CDH13: variants seen among roughly 807,000 people sequenced by gnomAD.
CDH13 encodes the protein cadherin-13.
A neutral mutation model predicts 63.8 loss-of-function variants in CDH13; 24 were observed. That is an observed-to-expected ratio of 0.38 (90% confidence interval 0.27 to 0.53). CDH13 has a LOEUF of 0.53. Among genes scored for constraint, CDH13 ranks in the 20% least tolerant of loss-of-function variants. CDH13 has a pLI of 0.85. For missense variants in CDH13, 1,049 were observed against 903.1 expected, an observed-to-expected ratio of 1.16 and a Z score of -2.07; for synonymous variants, 503 against 355.3, an observed-to-expected ratio of 1.42 and a Z score of -4.67.
chr16:82,971,170 T>A (rs550994237), intron 2 of CDH13, among the ~76,000 whole-genome samples: 23 of 152,216 alleles, frequency 1.5e-4, no homozygotes, highest in Non-Finnish European at 3.1e-4. Context: ...TCGAATGCGA[T>A]GACTCTAAGG....
chr16:83,454,955 C>T (rs759644433), intron 6 of CDH13, among the ~76,000 whole-genome samples: 1 of 152,162 alleles, frequency 6.6e-6, no homozygotes, highest in Non-Finnish European at 1.5e-5. Context: ...AGTGATCCAC[C>T]CGCCTCAGCC....
intron 1 of CDH13, among the ~76,000 whole-genome samples, chr16:82,782,446 G>T (rs1363608965): frequency 6.6e-6 from 1 of 152,048 alleles, no homozygotes; most frequent in African/African-American, 2.4e-5. Context: ...TAGCTACTGG[G>T]GAGGCTGAGG....
chr16:83,058,448 C>A (rs554371775), intron 3 of CDH13, among the ~76,000 whole-genome samples: 2 of 152,148 alleles, frequency 1.3e-5, no homozygotes, highest in South Asian at 4.1e-4. Context: ...ATTCATTTCC[C>A]CTTTTCCCAA....
intron 2 of CDH13, among the ~76,000 whole-genome samples, chr16:82,972,737 T>C (rs1025598012): frequency 1.3e-5 from 2 of 152,196 alleles, no homozygotes; most frequent in Non-Finnish European, 2.9e-5. Context: ...TTGGGTATGA[T>C]AACTGAACTG....
intron 10 of CDH13, among the ~76,000 whole-genome samples, chr16:83,742,765 G>A (rs1239748601): frequency 6.6e-6 from 1 of 152,206 alleles, no homozygotes; most frequent in Non-Finnish European, 1.5e-5. Flanking sequence ...CTTAGTTCAT[G>A]TTACATGGGT....
At chr16:83,588,852 G>C (rs908376962) in intron 7 of CDH13, among the ~76,000 whole-genome samples, 1 of 152,224 alleles carries the variant, frequency 6.6e-6, no homozygotes, top group African/African-American at 2.4e-5. Context: ...GGCGAGGAAT[G>C]AGGTGCGGCT....
At chr16:82,693,116 T>C (rs1483360823) in intron 1 of CDH13, among the ~76,000 whole-genome samples, 1 of 152,156 alleles carries the variant, frequency 6.6e-6, no homozygotes, top group South Asian at 2.1e-4. Flanking sequence ...CTCAGTATAA[T>C]AGCCTCAAAG....
chr16:83,451,015 G>A (rs1048190734), intron 6 of CDH13, among the ~76,000 whole-genome samples: 6 of 152,206 alleles, frequency 3.9e-5, no homozygotes, highest in African/African-American at 1.4e-4. Context: ...ATAGGTCTGG[G>A]TAGAGTCTGA....
At chr16:82,873,961 T>G (rs2040424021) in intron 2 of CDH13, among the ~76,000 whole-genome samples, 1 of 152,178 alleles carries the variant, frequency 6.6e-6, no homozygotes. Context: ...TTGAGCTAAA[T>G]GTTAAAAACA....
intron 7 of CDH13, among the ~76,000 whole-genome samples, chr16:83,539,637 T>C (rs898392033): frequency 1.3e-5 from 2 of 152,256 alleles, no homozygotes; most frequent in Non-Finnish European, 2.9e-5. Context: ...TTCTAGCTGA[T>C]ATTTTCAGAG....
chr16:83,411,547 T>C (rs1004119718), intron 6 of CDH13, among the ~76,000 whole-genome samples: 3 of 152,176 alleles, frequency 2.0e-5, no homozygotes, highest in Non-Finnish European at 4.4e-5. Context: ...TATTTAAATA[T>C]TTAAAAAATA....
At chr16:82,905,913 T>G (rs192014003) in intron 2 of CDH13, among the ~76,000 whole-genome samples, 1 of 152,332 alleles carries the variant, frequency 6.6e-6, no homozygotes, top group East Asian at 1.9e-4. Flanking sequence ...CTCTCCTTTT[T>G]CTCTTTTCCC....
chr16:82,687,213 G>A (rs1312356304), intron 1 of CDH13, among the ~76,000 whole-genome samples: 1 of 152,208 alleles, frequency 6.6e-6, no homozygotes, highest in African/African-American at 2.4e-5. Flanking sequence ...CCTGTGAACA[G>A]TGATGGAAGG....
At chr16:83,604,653 T>C (rs1245332104) in intron 8 of CDH13, among the ~76,000 whole-genome samples, 1 of 152,224 alleles carries the variant, frequency 6.6e-6, no homozygotes, top group Non-Finnish European at 1.5e-5. Context: ...TGGTGTTTCA[T>C]GGAATGTTCA....
chr16:82,939,440 A>T (rs2042764869), intron 2 of CDH13, among the ~76,000 whole-genome samples: 2 of 120,506 alleles, frequency 1.7e-5, no homozygotes, highest in African/African-American at 6.2e-5. Flanking sequence ...ATTAAATAAA[A>T]GGGAGCAAGG....
chr16:83,173,152 A>G (rs1406718662), intron 4 of CDH13, among the ~76,000 whole-genome samples: 6 of 152,144 alleles, frequency 3.9e-5, no homozygotes, highest in Admixed American at 6.6e-5. Context: ...GACTGGTGCC[A>G]TGACTATGCC....
chr16:83,378,668 G>GCAAA (rs1429262973), intron 6 of CDH13, among the ~76,000 whole-genome samples: 1 of 152,038 alleles, frequency 6.6e-6, no homozygotes, highest in Non-Finnish European at 1.5e-5. Flanking sequence ...CATGACCTTA[G>GCAAA]GCAAGATACT....
chr16:83,240,329 G>A (rs1383465837), intron 5 of CDH13, among the ~76,000 whole-genome samples: 2 of 152,114 alleles, frequency 1.3e-5, no homozygotes, highest in African/African-American at 2.4e-5. Flanking sequence ...TCTGGCTTCT[G>A]AGTGAAATGG....
intron 2 of CDH13, among the ~76,000 whole-genome samples, chr16:82,901,242 C>A (rs2041456286): frequency 2.0e-5 from 3 of 151,562 alleles, no homozygotes; most frequent in African/African-American, 7.3e-5. Flanking sequence ...AATATGAGGC[C>A]CACAAATTAG....
Sources: allele counts gnomAD v4.1 joint callset (sites outside exome capture counted in the v4.1 genomes callset), GRCh38; gene constraint gnomAD v4.1.1; transcripts MANE v1.5; gene names NCBI Gene and HGNC (gene_info 2026-07-23, HGNC 2026-07-21).